The following KCNH5 variants were observed in gnomAD, a reference collection of about 807,000 sequenced individuals.
The protein encoded by KCNH5 is potassium voltage-gated channel subfamily H member 5.
A neutral mutation model predicts 96.1 loss-of-function variants in KCNH5; 46 were observed. The observed-to-expected ratio is 0.48, with a 90% confidence interval of 0.38 to 0.61. KCNH5 has a LOEUF of 0.61. Ranked by LOEUF, KCNH5 falls within the 20% of genes least tolerant of loss-of-function variation. The pLI is 0.00. For missense variants in KCNH5, 907 were observed against 1,225.8 expected (o/e 0.74, Z 3.88); for synonymous variants, 439 against 449.8 (o/e 0.98, Z 0.30).
At chr14:62,835,260 GTCT>G (rs1887442506) in intron 8 of KCNH5, among the ~76,000 whole-genome samples, 1 of 151,840 alleles carries the variant, frequency 6.6e-6, no homozygotes, top group Non-Finnish European at 1.5e-5. Context: ...GGGTTTTACT[GTCT>G]TCTTTTTACA....
intron 7 of KCNH5, among the ~76,000 whole-genome samples, chr14:62,889,914 T>C (rs1391785469): frequency 2.6e-5 from 4 of 152,156 alleles, no homozygotes; most frequent in Admixed American, 2.6e-4. Flanking sequence ...AAACATGTTC[T>C]GATTCAACCA....
At chr14:63,036,233 T>A (rs1007221846) in intron 1 of KCNH5, among the ~76,000 whole-genome samples, 1 of 152,194 alleles carries the variant, frequency 6.6e-6, no homozygotes, top group Non-Finnish European at 1.5e-5. Flanking sequence ...AGTTCTTTCT[T>A]TGGTCCATCA....
intron 6 of KCNH5, among the ~76,000 whole-genome samples, chr14:62,961,781 G>T (rs181182152): frequency 5.4e-4 from 82 of 152,066 alleles, no homozygotes; most frequent in African/African-American, 1.8e-3. Context: ...GATGCTGATG[G>T]AGATGGAGAT....
At chr14:62,923,507 C>T (rs920648382) in intron 7 of KCNH5, among the ~76,000 whole-genome samples, 4 of 151,866 alleles carry the variant, frequency 2.6e-5, no homozygotes, top group Non-Finnish European at 5.9e-5. Context: ...CCCTGAATAG[C>T]TAAAGCAATC....
In KCNH5 at chr14:62,793,092, T is replaced by C. The variant is rs569672339; in HGVS notation, c.1822+9237A>G. 6.6e-5 allele frequency among the ~76,000 whole-genome samples: 10 copies of C among 151,826 alleles called. No homozygotes were observed. In the South Asian group the frequency reaches 2.1e-3, roughly 31 times the overall value. Reference sequence around the variant, plus strand: ...TTCCACTCATATGAAGTGTCTATAATAGTTACATTCATAGAAGCAGAGAAT... The same window carrying C: ...TTCCACTCATATGAAGTGTCTATAACAGTTACATTCATAGAAGCAGAGAAT... On this transcript the variant is annotated intron_variant, in intron 9 of 10. Coordinates refer to ENST00000322893, the MANE Select transcript of KCNH5 (RefSeq NM_139318.5).
At chr14:62,967,376 C>T (rs1264532501) in intron 6 of KCNH5, among the ~76,000 whole-genome samples, 1 of 151,824 alleles carries the variant, frequency 6.6e-6, no homozygotes, top group East Asian at 1.9e-4. Context: ...GCCACCATGC[C>T]CAGCCCTTTT....
intron 8 of KCNH5, among the ~76,000 whole-genome samples, chr14:62,830,128 A>G (rs1003999237): frequency 1.3e-5 from 2 of 152,162 alleles, no homozygotes; most frequent in Non-Finnish European, 2.9e-5. Context: ...CCAGTTCCCA[A>G]TAATTTCCTC....
At chr14:62,766,738 A>T (rs372959769) in intron 10 of KCNH5, among the ~76,000 whole-genome samples, 3 of 152,108 alleles carry the variant, frequency 2.0e-5, no homozygotes, top group African/African-American at 7.2e-5. Flanking sequence ...GGTACAAAAA[A>T]GTAGAAAGAA....
chr14:62,992,706 T>C (rs1223742076), intron 4 of KCNH5, among the ~76,000 whole-genome samples: 3 of 152,096 alleles, frequency 2.0e-5, no homozygotes, highest in Admixed American at 6.6e-5. Context: ...TTATAAATTC[T>C]AGATATTAGT....
chr14:62,860,863 G>A (rs1348392537), intron 7 of KCNH5, among the ~76,000 whole-genome samples: 2 of 152,176 alleles, frequency 1.3e-5, no homozygotes, highest in Admixed American at 6.5e-5. Context: ...TGCTATCTAT[G>A]CCAACCTTGG....
At chr14:62,996,699 T>G (rs1465897528) in intron 4 of KCNH5, among the ~76,000 whole-genome samples, 2 of 152,216 alleles carry the variant, frequency 1.3e-5, no homozygotes, top group Non-Finnish European at 2.9e-5. Flanking sequence ...CTGCAAAATG[T>G]TGCCGACTTT....
At chr14:63,034,140 G>A (rs535088156) in intron 1 of KCNH5, among the ~76,000 whole-genome samples, 28 of 151,924 alleles carry the variant, frequency 1.8e-4, no homozygotes, top group African/African-American at 6.0e-4. Flanking sequence ...GGCTGGTCTC[G>A]ATCTCCTGAC....
chr14:62,778,725 C>T (rs2139974372), intron 10 of KCNH5, among the ~76,000 whole-genome samples: 1 of 152,328 alleles, frequency 6.6e-6, no homozygotes, highest in East Asian at 1.9e-4. Context: ...ATTCTGGATG[C>T]TCCATCTATT....
rs780855852 is a variant in KCNH5, at chr14:62,981,261, G to A, written c.553C>T (p.Leu185Phe). ...GGAAGGATATCTGATCCCAGCTGAA[G>A]AACCTAAAAGAGAGAAAATGTATTT... ...VHKHSRLAEV[L>F]QLGSDILPQY... is the part of the protein sequence containing the mutation. Residue 185 changes from leucine (L) to phenylalanine (F), a missense_variant, in exon 6 of 11, where the codon CTT becomes TTT. Physicochemically the swap from Leu to Phe is conservative, Grantham distance 22. Transcript: ENST00000322893. The A allele has an allele frequency of 3.1e-6, 5 of 1,613,714 alleles. No homozygotes were observed. The highest frequency in any genetic ancestry group is 2.2e-5 in the South Asian group (2 of 91,024).
At chr14:62,753,874 T>C (rs1046804576) in intron 10 of KCNH5, among the ~76,000 whole-genome samples, 3 of 152,116 alleles carry the variant, frequency 2.0e-5, no homozygotes, top group African/African-American at 7.2e-5. Flanking sequence ...GAATAGGACA[T>C]TAATGAGCAA....
intron 7 of KCNH5, among the ~76,000 whole-genome samples, chr14:62,865,421 C>T (rs1374448406): frequency 2.0e-5 from 3 of 151,426 alleles, no homozygotes; most frequent in Non-Finnish European, 2.9e-5. Flanking sequence ...AAACAAGCTA[C>T]CAGATTGGTC....
chr14:62,784,957 T>G (rs75648759), intron 9 of KCNH5, among the ~76,000 whole-genome samples: 1 of 152,224 alleles, frequency 6.6e-6, no homozygotes, highest in South Asian at 2.1e-4. Flanking sequence ...CAAAAAAGTT[T>G]AGAAAAGCAT....
intron 1 of KCNH5, among the ~76,000 whole-genome samples, chr14:63,031,845 T>C (rs1203476828): frequency 6.6e-6 from 1 of 152,124 alleles, no homozygotes; most frequent in East Asian, 1.9e-4. Context: ...TATATGTATA[T>C]AAAAACAATG....
chr14:62,941,933 T>C (rs1889797665), intron 7 of KCNH5, among the ~76,000 whole-genome samples: 1 of 152,180 alleles, frequency 6.6e-6, no homozygotes, highest in South Asian at 2.1e-4. Flanking sequence ...TCCTTTACCC[T>C]GAGACACATG....
Sources: gnomAD v4.1 joint callset for allele counts (sites outside exome capture counted in the v4.1 genomes callset) on GRCh38, gnomAD v4.1.1 for gene constraint, MANE v1.5 for transcripts, NCBI Gene and HGNC (gene_info 2026-07-23, HGNC 2026-07-21) for gene names.